CEP104: variants seen among roughly 807,000 people sequenced by gnomAD.
The protein encoded by CEP104 is centrosomal protein of 104 kDa.
In CEP104, 84 loss-of-function variants were observed where a neutral mutation model predicts 113.3. The observed-to-expected ratio is 0.74, with a 90% CI of 0.62 to 0.89. The LOEUF is 0.89. Ranked by LOEUF, CEP104 falls within the 40% of genes least tolerant of loss-of-function variation. The probability of loss-of-function intolerance (pLI) is 0.00; values close to 1 mark genes in which losing one functional copy is unlikely to be tolerated. For synonymous variants in CEP104, 378 were observed against 421.7 expected (o/e 0.90, Z 1.27); for missense variants, 1,053 against 1,156.6 (o/e 0.91, Z 1.30).
At chr1:3,815,985 C>T (rs1343223302) in intron 21 of CEP104, among the ~76,000 whole-genome samples, 3 of 152,194 alleles carry the variant, frequency 2.0e-5, no homozygotes, top group African/African-American at 7.2e-5. Context: ...CTTCCTGATT[C>T]TAAACACTTG....
At chr1:3,846,665 TCTGGCTTC>T (rs1009365885) in intron 4 of CEP104, among the ~76,000 whole-genome samples, 6 of 152,330 alleles carry the variant, frequency 3.9e-5, no homozygotes, top group African/African-American at 1.2e-4. Flanking sequence ...GACTCATTCT[TCTGGCTTC>T]CTGGCGTGTT....
intron 1 of CEP104, chr1:3,856,045 C>CA: frequency 1.5e-6 from 1 of 655,992 alleles, no homozygotes; most frequent in South Asian, 6.8e-5. Context: ...AACGGAAACT[C>CA]AGTGTAGCAA....
Position 3,823,464 on chromosome 1 carries a change from C to T in CEP104, c.2463G>A (p.Lys821=). The T allele has an allele frequency of 6.2e-7, 1 of 1,614,238 alleles. No homozygotes were observed. The highest frequency in any genetic ancestry group is 1.1e-5 in the South Asian group (1 of 91,090). The change falls in exon 19 of 22, where the codon AAG becomes AAA. Residue 821 remains lysine, a synonymous_variant. Coordinates refer to ENST00000378230, the MANE Select transcript of CEP104 (RefSeq NM_014704.4). This position sits in a 1 kb window ranked among gnomAD's most constrained non-coding sequence, Gnocchi z 4.1. ...GTTTTATGTGTCTGGGCAGCTCTTC[C>T]TTGAAAACAGCCTCACTGCAACGGT... is the stretch of plus-strand genomic sequence containing the variant. The part of the protein sequence containing the change: ...KCYRCSEAVF[K]EELPRHIKHK...
At chr1:3,830,305 C>T (rs868815074) in intron 13 of CEP104, among the ~76,000 whole-genome samples, 17 of 151,874 alleles carry the variant, frequency 1.1e-4, no homozygotes, top group Middle Eastern at 3.2e-3. Flanking sequence ...TGCGCTCCTG[C>T]GTAGCCGATG....
Position 3,816,514 on chromosome 1 carries a change from G to A in CEP104, c.2572-144C>T. 6.5e-6 allele frequency: 4 copies of A among 614,568 alleles called. No homozygotes were observed. The South Asian group carries it at 7.8e-5, about 12-fold the overall frequency. The allele number at this position is 614,568 out of a possible 1,614,324, so 38.1% of individuals were successfully genotyped here. ...CGCAGAAGAACGGCTCCCTCACCTGGGCACCTCCCTTCGGATATGTTATGA... is the reference window on the plus strand; with the variant it reads ...CGCAGAAGAACGGCTCCCTCACCTGAGCACCTCCCTTCGGATATGTTATGA... On this transcript the variant is annotated intron_variant, in intron 20 of 21. Coordinates refer to ENST00000378230, the MANE Select transcript of CEP104 (RefSeq NM_014704.4).
Position 3,826,579 on chromosome 1 carries a change from C to T in CEP104, c.2188+129G>A, listed in dbSNP as rs1290490297. 7.0e-6 allele frequency: 9 copies of T among 1,294,934 alleles called. No individual in the cohort carries two copies. The East Asian group carries it at 9.3e-5, about 13-fold the overall frequency. The allele number at this position is 1,294,934 out of a possible 1,614,324, so 80.2% of individuals were successfully genotyped here. A position where few individuals can be genotyped will look rare whatever the true frequency, so the allele number is the denominator to read the frequency against. On this transcript the variant is annotated intron_variant, in intron 16 of 21. Coordinates refer to ENST00000378230, the MANE Select transcript of CEP104 (RefSeq NM_014704.4). ...ATTCAGCTGGGAGATGGCTGAGGTG[C>T]AGCAGGCGTGCAGTGATACTTGCTG...
chr1:3,845,297 T>G lies in CEP104; in HGVS notation c.481A>C (p.Ser161Arg). 6.2e-7 allele frequency: 1 copy of G among 1,605,326 alleles called. No homozygotes were observed. Among genetic ancestry groups the G allele is most frequent in the East Asian group, 2.2e-5 (1 of 44,814 alleles). ...IGDPADFSDE[S>R]NTASREKLID... ...AAACTTTCCAAACTTACAGTATTGC[T>G]TTCATCACTGAAATCTGCAGGGTCT... Residue 161 changes from serine (S) to arginine (R), a missense_variant, in exon 5 of 22, where the codon AGC becomes CGC. Transcript: ENST00000378230.
intron 9 of CEP104, 140 bp from the exon 10 acceptor site, chr1:3,836,832 AT>A: frequency 1.5e-6 from 1 of 652,856 alleles, no homozygotes; most frequent in Non-Finnish European, 2.6e-6. Flanking sequence ...GTATCATCAG[AT>A]TAGAATAATT....
At chr1:3,855,560 T>C (rs182483567) in intron 1 of CEP104, among the ~76,000 whole-genome samples, 29 of 152,286 alleles carry the variant, frequency 1.9e-4, no homozygotes, top group African/African-American at 7.0e-4. Context: ...TCCAGTATGC[T>C]ATACTGCCCC....
In CEP104 at chr1:3,823,107, G is replaced by A. The variant is rs1644011426; in HGVS notation, c.2571+67C>T. The A allele has an allele frequency of 1.4e-6, 2 of 1,465,732 alleles. No homozygotes were observed. Among genetic ancestry groups the A allele is most frequent in the Non-Finnish European group, 1.9e-6 (2 of 1,048,084 alleles). 90.8% of individuals were successfully genotyped at this position (1,465,732 alleles called of 1,614,324 possible). A position where few individuals can be genotyped will look rare whatever the true frequency, so the allele number is the denominator to read the frequency against. The stretch of plus-strand genomic sequence containing the variant: ...ATGGTCCCGCACTGACACCACCACT[G>A]TCACCACCACTGCCATCCACAGGTG... On this transcript the variant is annotated intron_variant, in intron 20 of 21. Transcript: ENST00000378230. This position sits in a 1 kb window ranked among gnomAD's most constrained non-coding sequence, Gnocchi z 4.1.
rs574436714 is a variant in CEP104 at position 3,855,835 on chromosome 1, G to C, written c.-15+1054C>G. The C allele has an allele frequency of 8.4e-5, 76 of 900,216 alleles. No homozygotes were observed. In the African/African-American group the frequency reaches 1.3e-3, roughly 16 times the overall value. The allele number at this position is 900,216 out of a possible 1,614,324, so 55.8% of individuals were successfully genotyped here. A position where few individuals can be genotyped will look rare whatever the true frequency, so the allele number is the denominator to read the frequency against. On this transcript the variant is annotated intron_variant, in intron 1 of 21. Transcript: ENST00000378230. ...CATTAACAATTTGGGAAGAAGCAAA[G>C]CTCTGTTGAACATCCAGTTATTGGC...
chr1:3,815,132 T>C lies in CEP104; in HGVS notation c.*270A>G. On this transcript the variant is annotated 3_prime_UTR_variant, in exon 22 of 22. Coordinates refer to ENST00000378230, the MANE Select transcript of CEP104 (RefSeq NM_014704.4). ...TCTCTCCAAACAGGACGCTTCCTTC[T>C]CTGATTCTAAGGAAGGCCTGAGACA... 1 of 449,726 alleles carries C rather than the reference T, an allele frequency of 2.2e-6. No individual in the cohort carries two copies. The highest frequency in any genetic ancestry group is 4.0e-6 in the Non-Finnish European group (1 of 250,422). 27.9% of individuals were successfully genotyped at this position (449,726 alleles called of 1,614,324 possible).
Position 3,835,242 on chromosome 1 carries a change from A to G in CEP104, c.1318-150T>C, listed in dbSNP as rs1039989005. The G allele has an allele frequency of 1.5e-5, 8 of 535,816 alleles. No individual in the cohort carries two copies. In the Admixed American group the frequency reaches 1.6e-4, roughly 11 times the overall value. 33.2% of individuals were successfully genotyped at this position (535,816 alleles called of 1,614,324 possible). A position where few individuals can be genotyped will look rare whatever the true frequency, so the allele number is the denominator to read the frequency against. On this transcript the variant is annotated intron_variant, in intron 10 of 21. Coordinates refer to ENST00000378230, the MANE Select transcript of CEP104 (RefSeq NM_014704.4). ...AAAATGATTCATTTCTAATAATAGA[A>G]CTTTTACAAATAAATATGTATATTT... is the stretch of plus-strand genomic sequence containing the variant.
intron 6 of CEP104, among the ~76,000 whole-genome samples, chr1:3,841,820 G>A (rs986817563): frequency 6.6e-6 from 1 of 152,226 alleles, no homozygotes; most frequent in African/African-American, 2.4e-5. Flanking sequence ...CAAAATAACA[G>A]AAAGAAGCTT....
chr1:3,837,297 T>A lies in CEP104; in HGVS notation c.1114A>T (p.Ile372Phe). Residue 372 changes from isoleucine (I) to phenylalanine (F), a missense_variant, in exon 9 of 22, where the codon ATC (isoleucine) becomes TTC (phenylalanine). Coordinates refer to ENST00000378230, the MANE Select transcript of CEP104 (RefSeq NM_014704.4). ...TCTGAAACAGAATTACCTACATTGA[T>A]CTTTGGATGAGGATCTGTGGCAGGG... Reference protein sequence around the residue: ...LLPATDPHPKINAESLPYDER... With the variant: ...LLPATDPHPKFNAESLPYDER... 1 of 1,609,046 alleles carries A rather than the reference T, an allele frequency of 6.2e-7. No individual in the cohort carries two copies. Among genetic ancestry groups the A allele is most frequent in the Admixed American group, 1.7e-5 (1 of 59,984 alleles).
chr1:3,815,343 G>A lies in CEP104; in HGVS notation c.*59C>T. ...AAGGCCAGAGAGTTCTGGAGAGATG[G>A]TGTAGAATCAGGAGACCCGCTCCAT... On this transcript the variant is annotated 3_prime_UTR_variant, in exon 22 of 22. Coordinates refer to ENST00000378230, the MANE Select transcript of CEP104 (RefSeq NM_014704.4). The A allele has an allele frequency of 7.9e-7, 1 of 1,270,170 alleles. No individual in the cohort carries two copies. Among genetic ancestry groups the A allele is most frequent in the Non-Finnish European group, 1.1e-6 (1 of 897,204 alleles). 78.7% of individuals were successfully genotyped at this position (1,270,170 alleles called of 1,614,324 possible).
At chr1:3,825,939 C>T (rs192587220) in intron 17 of CEP104, 73 bp from the exon 18 acceptor site, 120 of 1,009,546 alleles carry the variant, frequency 1.2e-4, no homozygotes, top group Admixed American at 1.0e-3. Context: ...TCCCACGTCA[C>T]GAGGAAATTC....
chr1:3,854,520 G>A (rs11578652), intron 1 of CEP104, among the ~76,000 whole-genome samples: 30,964 of 151,944 alleles, frequency 0.2, 3,507 homozygotes, highest in Non-Finnish European at 0.25. Context: ...CCAGGCTGGA[G>A]TGCAGTGGCG....
intron 18 of CEP104, among the ~76,000 whole-genome samples, chr1:3,825,317 G>C (rs1337224802): frequency 6.6e-6 from 1 of 152,242 alleles, no homozygotes; most frequent in Non-Finnish European, 1.5e-5. Flanking sequence ...GAAGACACCA[G>C]AACGCTGTGG....
Sources: allele counts gnomAD v4.1 joint callset (sites outside exome capture counted in the v4.1 genomes callset), GRCh38; gene constraint gnomAD v4.1.1; non-coding constraint Gnocchi (gnomAD v3.1); transcripts MANE v1.5; gene names NCBI Gene and HGNC (gene_info 2026-07-23, HGNC 2026-07-21).